OPHN1: variants seen among roughly 807,000 people sequenced by gnomAD.
OPHN1 encodes the protein oligophrenin 1, also known as oligophrenin-1.
In OPHN1, 11 loss-of-function variants were observed where a neutral mutation model predicts 60.7. That is an observed-to-expected ratio of 0.18 (90% CI 0.11 to 0.30). OPHN1 has a LOEUF of 0.30. Ranked by LOEUF, OPHN1 falls within the 10% of genes least tolerant of loss-of-function variation. The pLI, the probability that OPHN1 is intolerant of heterozygous loss-of-function variation, is 1.00. For missense variants in OPHN1, 449 were observed against 611.0 expected, an observed-to-expected ratio of 0.73 and a Z score of 2.80; for synonymous variants, 226 against 222.6, an observed-to-expected ratio of 1.02 and a Z score of -0.14.
intron 19 of OPHN1, among the ~76,000 whole-genome samples, chrX:68,084,476 G>A (rs764474481): frequency 5.5e-5 from 6 of 109,171 alleles, no homozygotes; most frequent in African/African-American, 1.7e-4. Context: ...TTTTCAGACC[G>A]GAGCAATAGG....
At chrX:68,347,000 A>AC (rs778721156) in intron 2 of OPHN1, among the ~76,000 whole-genome samples, 214 of 112,095 alleles carry the variant, frequency 1.9e-3, no homozygotes, top group African/African-American at 6.7e-3. Flanking sequence ...ATTTTTGTGG[A>AC]CCCCTTCCCA....
At chrX:68,368,966 T>C (rs777960583) in intron 2 of OPHN1, among the ~76,000 whole-genome samples, 2 of 111,872 alleles carry the variant, frequency 1.8e-5, no homozygotes, top group East Asian at 5.7e-4. Context: ...CCCAGCACTT[T>C]GGGAGGCCAA....
At chrX:68,226,533 C>T (rs1043691588) in intron 6 of OPHN1, among the ~76,000 whole-genome samples, 1 of 111,861 alleles carries the variant, frequency 8.9e-6, no homozygotes, top group South Asian at 3.8e-4. Context: ...GCTGATTTCT[C>T]GGCAGAAACT....
chrX:68,263,144 T>C (rs186218297), intron 5 of OPHN1, among the ~76,000 whole-genome samples: 270 of 111,866 alleles, frequency 2.4e-3, no homozygotes, highest in Middle Eastern at 4.7e-3. Flanking sequence ...AGGATGAGTT[T>C]ATATGGAATG....
intron 6 of OPHN1, among the ~76,000 whole-genome samples, chrX:68,219,547 A>C (rs1033370010): frequency 4.6e-5 from 5 of 109,668 alleles, no homozygotes; most frequent in African/African-American, 1.7e-4. Context: ...TCTCCTCAGC[A>C]AATGTAAAAG....
chrX:68,181,753 G>T (rs1196045331), intron 15 of OPHN1, among the ~76,000 whole-genome samples: 1 of 111,810 alleles, frequency 8.9e-6, no homozygotes, highest in Non-Finnish European at 1.9e-5. Context: ...GCTTGAACCT[G>T]GGAGGCAGAG....
At chrX:68,320,655 T>C (rs1353565783) in intron 2 of OPHN1, among the ~76,000 whole-genome samples, 1 of 110,304 alleles carries the variant, frequency 9.1e-6, no homozygotes, top group Non-Finnish European at 1.9e-5. Context: ...AATTTTGCAG[T>C]GGACACCAGC....
At chrX:68,365,364 T>C (rs1249489626) in intron 2 of OPHN1, among the ~76,000 whole-genome samples, 1 of 110,926 alleles carries the variant, frequency 9.0e-6, no homozygotes, top group Non-Finnish European at 1.9e-5. Flanking sequence ...ACGTAGCATA[T>C]TGAAGAAGCT....
chrX:68,292,805 G>A (rs1189855705), intron 3 of OPHN1, among the ~76,000 whole-genome samples: 1 of 111,756 alleles, frequency 8.9e-6, no homozygotes, highest in Non-Finnish European at 1.9e-5. Context: ...GATCTGAGAA[G>A]AAGCCCTATG....
intron 2 of OPHN1, among the ~76,000 whole-genome samples, chrX:68,350,458 T>TCCTCCCTCCCTC: frequency 1.5e-5 from 1 of 67,153 alleles, no homozygotes; most frequent in East Asian, 5.4e-4. Flanking sequence ...CTCCCTCCCT[T>TCCTCCCTCCCTC]CCTTCCTTCC....
At chrX:68,427,277 A>C (rs5965579) in intron 2 of OPHN1, among the ~76,000 whole-genome samples, 6,773 of 108,879 alleles carry the variant, frequency 0.062, 557 homozygotes, top group African/African-American at 0.22. Flanking sequence ...CAAAAAAAAA[A>C]AACAACAACA....
chrX:68,418,602 T>TA (rs2078810785), intron 2 of OPHN1, among the ~76,000 whole-genome samples: 2 of 111,681 alleles, frequency 1.8e-5, no homozygotes, highest in South Asian at 3.8e-4. Flanking sequence ...CATAATATAG[T>TA]AAAAAATTTT....
At chrX:68,252,638 A>G (rs1468681132) in intron 5 of OPHN1, among the ~76,000 whole-genome samples, 2 of 112,361 alleles carry the variant, frequency 1.8e-5, no homozygotes, top group South Asian at 3.7e-4. Context: ...TCATAAGAAT[A>G]GCAATGATGA....
intron 17 of OPHN1, 100 bp from the exon 18 acceptor site, chrX:68,112,059 ATG>A (rs370477561): frequency 1.1e-4 from 46 of 413,527 alleles, no homozygotes; most frequent in Admixed American, 1.1e-4. Context: ...ACATGCACAC[ATG>A]CACACACACA....
intron 6 of OPHN1, among the ~76,000 whole-genome samples, chrX:68,214,229 T>C (rs1160874515): frequency 8.9e-6 from 1 of 112,122 alleles, no homozygotes; most frequent in Non-Finnish European, 1.9e-5. Context: ...GCTGAACAAG[T>C]GTAAAATCCA....
chrX:68,246,206 C>T (rs1343623564), intron 5 of OPHN1, among the ~76,000 whole-genome samples: 2 of 111,965 alleles, frequency 1.8e-5, no homozygotes, highest in Non-Finnish European at 3.8e-5. Flanking sequence ...ACCATACCTC[C>T]GTTTTAAAAT....
intron 2 of OPHN1, among the ~76,000 whole-genome samples, chrX:68,354,172 C>A (rs1311678634): frequency 2.7e-5 from 3 of 110,638 alleles, no homozygotes; most frequent in Non-Finnish European, 5.7e-5. Flanking sequence ...AGGCCAGGCT[C>A]AGTGGCTCAC....
chrX:68,245,077 C>T (rs1196189429), intron 5 of OPHN1, among the ~76,000 whole-genome samples: 1 of 111,428 alleles, frequency 9.0e-6, no homozygotes, highest in Non-Finnish European at 1.9e-5. Context: ...TCAATATTCC[C>T]AATGTAGAAG....
intron 20 of OPHN1, among the ~76,000 whole-genome samples, chrX:68,072,513 A>G (rs991294061): frequency 8.1e-5 from 9 of 111,413 alleles, no homozygotes; most frequent in Non-Finnish European, 1.5e-4. Flanking sequence ...GTGTTTCAAG[A>G]AGGAGGAGTT....
Sources: gnomAD v4.1 joint callset for allele counts (sites outside exome capture counted in the v4.1 genomes callset) on GRCh38, gnomAD v4.1.1 for gene constraint, MANE v1.5 for transcripts, NCBI Gene and HGNC (gene_info 2026-07-23, HGNC 2026-07-21) for gene names.